Variants in CFAP161 observed in about 807,000 individuals in gnomAD.
CFAP161 encodes cilia- and flagella-associated protein 161.
Under a neutral mutation model 29.0 loss-of-function variants are expected in CFAP161, and 25 were observed. That is an observed-to-expected ratio of 0.86 (90% CI 0.63 to 1.20). The LOEUF (loss-of-function observed/expected upper bound fraction) is 1.20. Among genes scored for constraint, CFAP161 ranks in the 50% most tolerant of loss-of-function variants. CFAP161 has a pLI of 0.00. For synonymous variants in CFAP161, 116 were observed against 137.4 expected (o/e 0.84, Z 1.09); for missense variants, 367 against 371.9 (o/e 0.99, Z 0.11).
intron 5 of CFAP161, among the ~76,000 whole-genome samples, chr15:81,144,998 G>A (rs1426646668): frequency 6.6e-6 from 1 of 152,122 alleles, no homozygotes; most frequent in African/African-American, 2.4e-5. Flanking sequence ...GCACAGAGTA[G>A]GCCTCCCTAT....
chr15:81,124,510 G>T (rs1313409750), intron 1 of CFAP161, among the ~76,000 whole-genome samples: 12 of 152,136 alleles, frequency 7.9e-5, no homozygotes, highest in Admixed American at 7.2e-4. Context: ...TTGGTATCAG[G>T]ATGATGCTGG....
At chr15:81,125,469 T>G (rs2663914) in intron 1 of CFAP161, among the ~76,000 whole-genome samples, 86,857 of 151,996 alleles carry the variant, frequency 0.57, 26,081 homozygotes, top group Non-Finnish European at 0.68. Context: ...GTCAAACCCC[T>G]ATTCCTTAAA....
Position 81,136,759 on chromosome 15 carries a change from T to C in CFAP161, c.392+11T>C. ...TTTTATCATTTTGAGGTAAAGAGAC[T>C]TTAATTTTCAGTTCATTTTCATCAT... On this transcript the variant is annotated intron_variant, in intron 3 of 6. Transcript: ENST00000286732. 6.3e-7 allele frequency: 1 copy of C among 1,594,946 alleles called. No individual in the cohort carries two copies. Among genetic ancestry groups the C allele is most frequent in the South Asian group, 1.1e-5 (1 of 90,462 alleles).
At chr15:81,126,170 A>G (rs752668280) in intron 1 of CFAP161, among the ~76,000 whole-genome samples, 2 of 152,180 alleles carry the variant, frequency 1.3e-5, no homozygotes, top group Non-Finnish European at 2.9e-5. Context: ...TGCCCGGCCA[A>G]CTCACTGGTG....
intron 1 of CFAP161, chr15:81,117,704 ATCC>A: frequency 6.6e-6 from 2 of 302,376 alleles, no homozygotes; most frequent in East Asian, 1.1e-4. Context: ...CCTCCTCTTC[ATCC>A]TCATCTTCAT....
Position 81,138,094 on chromosome 15 carries a change from G to T in CFAP161, c.436G>T (p.Asp146Tyr), listed in dbSNP as rs142998984. 3.7e-6 allele frequency: 6 copies of T among 1,613,408 alleles called. No individual in the cohort carries two copies. In the East Asian group the frequency reaches 1.1e-4, roughly 30 times the overall value. The change falls in exon 4 of 7, where the codon GAC (aspartate) becomes TAC (tyrosine). Residue 146 changes from aspartate (D) to tyrosine (Y), a missense_variant. Physicochemically the swap from Asp to Tyr is radical, Grantham distance 160. Transcript: ENST00000286732. ...ATGQVLRYGQ[D>Y]FCLGITGGFD... Reference sequence around the variant, plus strand: ...TGGTCAAGTCCTTAGATATGGGCAGGACTTTTGCCTGGGGATAACAGGAGG... The same window carrying T: ...TGGTCAAGTCCTTAGATATGGGCAGTACTTTTGCCTGGGGATAACAGGAGG...
chr15:81,131,739 C>T (rs968521506), upstream of CFAP161, among the ~76,000 whole-genome samples: 2 of 152,052 alleles, frequency 1.3e-5, no homozygotes, highest in African/African-American at 4.8e-5. Context: ...TTCATAAAGA[C>T]AGAAGACAGA....
intron 2 of CFAP161, among the ~76,000 whole-genome samples, chr15:81,136,107 A>T (rs1009767769): frequency 2.6e-5 from 4 of 152,270 alleles, no homozygotes; most frequent in Non-Finnish European, 4.4e-5. Context: ...ACAGTTTTTA[A>T]AAACAATTTG....
intron 1 of CFAP161, among the ~76,000 whole-genome samples, chr15:81,125,120 AAC>A (rs1310155891): frequency 6.8e-6 from 1 of 147,630 alleles, no homozygotes; most frequent in Non-Finnish European, 1.5e-5. Flanking sequence ...AAGAAAAAAA[AAC>A]AATAACAAGT....
At position 81,104,633 on chromosome 15, in the gene CFAP161, G is replaced by A. The variant is rs566487538; in HGVS notation, c.-141-22957G>A. Reference sequence around the variant, plus strand: ...TCACAGGCTGAGGAAATATATAAAAGAATTCTTTCCAAATATCTTATATCT... The same window carrying A: ...TCACAGGCTGAGGAAATATATAAAAAAATTCTTTCCAAATATCTTATATCT... On this transcript the variant is annotated intron_variant, in intron 1 of 4. Coordinates refer to the CFAP161 transcript ENST00000560091. 2.6e-5 allele frequency among the ~76,000 whole-genome samples: 4 copies of A among 152,294 alleles called. No homozygotes were observed. The South Asian group carries it at 8.3e-4, about 32-fold the overall frequency.
At chr15:81,112,767 C>T (rs1262671063) in intron 1 of CFAP161, among the ~76,000 whole-genome samples, 2 of 152,010 alleles carry the variant, frequency 1.3e-5, no homozygotes, top group East Asian at 1.9e-4. Flanking sequence ...ATTTAATGTA[C>T]CTGAGACCCT....
intron 5 of CFAP161, among the ~76,000 whole-genome samples, chr15:81,146,055 G>A (rs1895000615): frequency 6.6e-6 from 1 of 152,184 alleles, no homozygotes. Context: ...GGTATTTAGT[G>A]GCTTAGCCAA....
At chr15:81,133,176 C>CATATATATATATAT (rs141326043), upstream of CFAP161, among the ~76,000 whole-genome samples, 1 of 60,994 alleles carries the variant, frequency 1.6e-5, no homozygotes, top group Non-Finnish European at 3.0e-5. Context: ...CCTTCATCAG[C>CATATATATATATAT]ATATATATAT....
intron 4 of CFAP161, among the ~76,000 whole-genome samples, chr15:81,142,660 T>A (rs1284785962): frequency 1.3e-5 from 2 of 152,192 alleles, no homozygotes; most frequent in Non-Finnish European, 2.9e-5. Flanking sequence ...CTCATGAGGA[T>A]AGTAACTCAT....
chr15:81,114,577 G>GT (rs1894473609), intron 1 of CFAP161, among the ~76,000 whole-genome samples: 1 of 152,220 alleles, frequency 6.6e-6, no homozygotes, highest in African/African-American at 2.4e-5. Flanking sequence ...AAAGATGTAT[G>GT]TTTGGGGATA....
At chr15:81,140,726 G>C (rs867624157) in intron 4 of CFAP161, among the ~76,000 whole-genome samples, 1 of 151,632 alleles carries the variant, frequency 6.6e-6, no homozygotes, top group South Asian at 2.1e-4. Context: ...ACCTGGCTAA[G>C]TTTTTAAAAT....
intron 3 of CFAP161, among the ~76,000 whole-genome samples, chr15:81,137,287 A>G (rs1894827316): frequency 6.6e-6 from 1 of 152,344 alleles, no homozygotes; most frequent in Non-Finnish European, 1.5e-5. Context: ...ACAGCAATGT[A>G]AGCATTGCAA....
At chr15:81,138,652 T>C (rs1894853589) in intron 4 of CFAP161, among the ~76,000 whole-genome samples, 1 of 152,158 alleles carries the variant, frequency 6.6e-6, no homozygotes, top group Non-Finnish European at 1.5e-5. Flanking sequence ...GAATTTCAGG[T>C]GCGTACCTAT....
At position 81,111,963 on chromosome 15, in the gene CFAP161, C is replaced by T. The variant is rs1894444430; in HGVS notation, c.-141-15627C>T. Among the ~76,000 whole-genome samples the T allele has an allele frequency of 2.0e-5, 3 of 152,162 alleles. No individual in the cohort carries two copies. The South Asian group carries it at 6.2e-4, about 32-fold the overall frequency. On this transcript the variant is annotated intron_variant, in intron 1 of 4. Coordinates refer to the CFAP161 transcript ENST00000560091. ...AGATTTATAGTGCAGGCCATTAATTCAAGGATCTGAGAAGATCTGCAATCA... is the reference window on the plus strand; with the variant it reads ...AGATTTATAGTGCAGGCCATTAATTTAAGGATCTGAGAAGATCTGCAATCA...
Sources: gnomAD v4.1 joint callset for allele counts (sites outside exome capture counted in the v4.1 genomes callset) on GRCh38, gnomAD v4.1.1 for gene constraint, MANE v1.5 for transcripts, NCBI Gene and HGNC (gene_info 2026-07-23, HGNC 2026-07-21) for gene names.